The following ATP8A1 variants were observed in gnomAD, a reference collection of about 807,000 sequenced individuals.
The protein encoded by ATP8A1 is phospholipid-transporting ATPase IA.
ATP8A1 carries 90 observed loss-of-function variants against 177.7 expected under a neutral mutation model. The ratio of observed to expected loss-of-function variants is 0.51; its 90% CI spans 0.43 to 0.60. The LOEUF is 0.60. Ranked by LOEUF, ATP8A1 falls within the 20% of genes least tolerant of loss-of-function variation. ATP8A1 has a pLI of 0.00. For synonymous variants in ATP8A1, 493 were observed against 485.9 expected (o/e 1.01, Z -0.19); for missense variants, 1,072 against 1,392.8 (o/e 0.77, Z 3.67).
At chr4:42,615,985 T>C (rs1736871326) in intron 5 of ATP8A1, 48 bp downstream of exon 5, 6 of 1,535,518 alleles carry the variant, frequency 3.9e-6, no homozygotes, top group Non-Finnish European at 5.4e-6. Context: ...TTGTATATAC[T>C]ACAAGTAGGT....
chr4:42,429,347 A>G (rs1400574776), intron 33 of ATP8A1, among the ~76,000 whole-genome samples: 1 of 151,990 alleles, frequency 6.6e-6, no homozygotes, highest in Non-Finnish European at 1.5e-5. Context: ...ATTTCAATGA[A>G]TCCAAGAAAG....
chr4:42,575,492 TAACA>T (rs1282912483), intron 13 of ATP8A1, 126 bp downstream of exon 13: 3 of 722,138 alleles, frequency 4.2e-6, no homozygotes, highest in African/African-American at 3.6e-5. Context: ...CATCATGCAC[TAACA>T]AATATATTAT....
chr4:42,545,835 A>G (rs1465326864), intron 19 of ATP8A1, among the ~76,000 whole-genome samples: 1 of 152,136 alleles, frequency 6.6e-6, no homozygotes, highest in African/African-American at 2.4e-5. Flanking sequence ...TTAGCCAGGC[A>G]TGGTGATGTG....
At chr4:42,555,139 A>ATCTATCTATCTAATCT (rs1553903246) in intron 16 of ATP8A1, among the ~76,000 whole-genome samples, 38 of 59,496 alleles carry the variant, frequency 6.4e-4, no homozygotes, top group East Asian at 1.7e-3. Context: ...CTATCTATCT[A>ATCTATCTATCTAATCT]ATCTATCTAT....
At chr4:42,621,968 C>T (rs1737503885) in intron 4 of ATP8A1, among the ~76,000 whole-genome samples, 1 of 152,192 alleles carries the variant, frequency 6.6e-6, no homozygotes, top group African/African-American at 2.4e-5. Context: ...CTGACAAAAA[C>T]AAGCAATGAA....
At chr4:42,632,926 G>A (rs1220038366) in intron 1 of ATP8A1, among the ~76,000 whole-genome samples, 1 of 152,188 alleles carries the variant, frequency 6.6e-6, no homozygotes, top group African/African-American at 2.4e-5. Context: ...CTAAAATTCT[G>A]TGAAATTAAT....
At chr4:42,611,540 A>G (rs1736377291) in intron 5 of ATP8A1, among the ~76,000 whole-genome samples, 1 of 152,198 alleles carries the variant, frequency 6.6e-6, no homozygotes, top group Non-Finnish European at 1.5e-5. Context: ...GGGCTTTAAA[A>G]AGCAAATTTA....
intron 19 of ATP8A1, among the ~76,000 whole-genome samples, chr4:42,544,241 C>G (rs1367668229): frequency 6.6e-6 from 1 of 152,124 alleles, no homozygotes; most frequent in Non-Finnish European, 1.5e-5. Context: ...TCCTAAGAAA[C>G]CTACAAGAGC....
At chr4:42,648,167 T>C (rs751461768) in intron 1 of ATP8A1, among the ~76,000 whole-genome samples, 1 of 152,178 alleles carries the variant, frequency 6.6e-6, no homozygotes, top group Non-Finnish European at 1.5e-5. Context: ...TATTCCAACA[T>C]GTTTTTTAAC....
chr4:42,595,617 T>C (rs1734643333), intron 6 of ATP8A1, among the ~76,000 whole-genome samples: 1 of 152,224 alleles, frequency 6.6e-6, no homozygotes, highest in Admixed American at 6.5e-5. Flanking sequence ...GTACTGTGAT[T>C]ACACTCACTG....
chr4:42,555,115 ATCT>A (rs1560453995), intron 16 of ATP8A1, among the ~76,000 whole-genome samples: 80 of 96,110 alleles, frequency 8.3e-4, no homozygotes, highest in African/African-American at 3.3e-3. Context: ...CTATCTATCT[ATCT>A]ATCTATCTAT....
At chr4:42,467,264 G>C (rs1719872534) in intron 25 of ATP8A1, among the ~76,000 whole-genome samples, 1 of 152,164 alleles carries the variant, frequency 6.6e-6, no homozygotes, top group Admixed American at 6.5e-5. Context: ...ATGGTTAAAT[G>C]AGGTGTTAAA....
chr4:42,481,450 G>A (rs1423171242), intron 25 of ATP8A1, among the ~76,000 whole-genome samples: 1 of 152,144 alleles, frequency 6.6e-6, no homozygotes, highest in African/African-American at 2.4e-5. Context: ...CAAAACCAAG[G>A]CCAGAGAGAT....
At chr4:42,527,645 C>G (rs1004114221) in intron 20 of ATP8A1, among the ~76,000 whole-genome samples, 3 of 152,182 alleles carry the variant, frequency 2.0e-5, no homozygotes, top group African/African-American at 7.2e-5. Flanking sequence ...AAAGTCCCAG[C>G]GAGTCCCTAG....
chr4:42,475,210 G>C (rs573917903), intron 25 of ATP8A1, among the ~76,000 whole-genome samples: 14 of 152,170 alleles, frequency 9.2e-5, no homozygotes, highest in Non-Finnish European at 1.9e-4. Flanking sequence ...TCTGTCGCCA[G>C]GCTGGACTGC....
intron 6 of ATP8A1, among the ~76,000 whole-genome samples, chr4:42,591,945 T>C (rs79228459): frequency 5.3e-5 from 8 of 152,300 alleles, no homozygotes; most frequent in South Asian, 4.1e-4. Flanking sequence ...AGTGTGAAGA[T>C]AGTAAATTAG....
At chr4:42,458,054 A>T (rs1308136762) in intron 27 of ATP8A1, among the ~76,000 whole-genome samples, 5 of 152,144 alleles carry the variant, frequency 3.3e-5, no homozygotes, top group Non-Finnish European at 7.3e-5. Context: ...TTAGATTTTC[A>T]CTCTAATATT....
rs569187671 is a variant in ATP8A1, at chr4:42,619,767, C to A, written c.364-3689G>T. ...GCCATGACCAGTCTTCACCAATATC[C>A]AGCTCTCCACTTCCATGGACCCTGA... On this transcript the variant is annotated intron_variant, in intron 4 of 36. Transcript: ENST00000381668. Among the ~76,000 whole-genome samples the A allele has an allele frequency of 5.3e-5, 8 of 152,160 alleles. No individual in the cohort carries two copies. In the South Asian group the frequency reaches 1.7e-3, roughly 32 times the overall value.
chr4:42,607,935 G>A (rs975389143), intron 5 of ATP8A1, among the ~76,000 whole-genome samples: 5 of 152,154 alleles, frequency 3.3e-5, no homozygotes, highest in African/African-American at 7.2e-5. Flanking sequence ...ATGGTGCTTT[G>A]ACAGCTCATT....
Sources: gnomAD v4.1 joint callset for allele counts (sites outside exome capture counted in the v4.1 genomes callset) on GRCh38, gnomAD v4.1.1 for gene constraint, MANE v1.5 for transcripts, NCBI Gene and HGNC (gene_info 2026-07-23, HGNC 2026-07-21) for gene names.